The following MECOM variants were observed in gnomAD, a reference collection of about 807,000 sequenced individuals.
MECOM encodes the protein histone-lysine N-methyltransferase MECOM.
Under a neutral mutation model 116.3 loss-of-function variants are expected in MECOM, and 13 were observed. The ratio of observed to expected loss-of-function variants is 0.11; its 90% confidence interval spans 0.07 to 0.18. MECOM has a LOEUF of 0.18. Ranked by LOEUF, MECOM falls within the 10% of genes least tolerant of loss-of-function variation. The pLI is 1.00. For missense variants in MECOM, 1,299 were observed against 1,509.0 expected (o/e 0.86, Z 2.31); for synonymous variants, 528 against 535.2 (o/e 0.99, Z 0.19).
rs1776612399 is a variant in MECOM at position 169,663,521 on chromosome 3, TC to T, written c.-150del. 1.7e-6 allele frequency: 1 copy of T among 580,928 alleles called. No homozygotes were observed. Among genetic ancestry groups the T allele is most frequent in the Non-Finnish European group, 3.0e-6 (1 of 331,306 alleles). The allele number at this position is 580,928 out of a possible 1,614,324, so 36.0% of individuals were successfully genotyped here. A position where few individuals can be genotyped will look rare whatever the true frequency, so the allele number is the denominator to read the frequency against. ...CTCTCTCTCTCTCTCTCTCTCTCTC[TC>T]TCTCTCTCCCTCCCTCCTGTTTCTC... On this transcript the variant is annotated 5_prime_UTR_variant, in exon 1 of 17. Coordinates refer to ENST00000651503, the MANE Select transcript of MECOM (RefSeq NM_004991.4).
intron 1 of MECOM, among the ~76,000 whole-genome samples, chr3:169,569,347 C>G (rs942896025): frequency 2.0e-5 from 3 of 152,150 alleles, no homozygotes; most frequent in Non-Finnish European, 2.9e-5. Context: ...TCTTAGAGAC[C>G]TACAAAGAGA....
Position 169,515,011 on chromosome 3 carries a change from C to T in MECOM, c.38-133487G>A, listed in dbSNP as rs80012385. Among the ~76,000 whole-genome samples the T allele has an allele frequency of 2.0e-4, 30 of 152,274 alleles. No individual in the cohort carries two copies. In the East Asian group the frequency reaches 4.8e-3, roughly 24 times the overall value. ...AATTCTGCATTAAAAGAAGAAGCAG[C>T]AGATCAAGACTGTCCTCAGCAGTTC... is the stretch of plus-strand genomic sequence containing the variant. On this transcript the variant is annotated intron_variant, in intron 1 of 16. Transcript: ENST00000651503.
intron 1 of MECOM, among the ~76,000 whole-genome samples, chr3:169,620,925 C>T (rs1424033056): frequency 2.0e-5 from 3 of 152,050 alleles, no homozygotes; most frequent in Non-Finnish European, 4.4e-5. Flanking sequence ...AGAAATATTG[C>T]CTGATATAGG....
intron 2 of MECOM, among the ~76,000 whole-genome samples, chr3:169,235,495 A>G (rs1186709005): frequency 6.6e-6 from 1 of 152,060 alleles, no homozygotes; most frequent in Non-Finnish European, 1.5e-5. Flanking sequence ...ACACACACAC[A>G]CCTCTCACAT....
chr3:169,088,545 T>C (rs1195412218), intron 16 of MECOM, among the ~76,000 whole-genome samples: 3 of 152,184 alleles, frequency 2.0e-5, no homozygotes, highest in Non-Finnish European at 4.4e-5. Flanking sequence ...CAACATGAGA[T>C]GACTTGCTAA....
intron 2 of MECOM, among the ~76,000 whole-genome samples, chr3:169,354,154 T>A (rs1184520726): frequency 1.3e-5 from 2 of 151,844 alleles, no homozygotes; most frequent in Non-Finnish European, 2.9e-5. Context: ...AAAATTAAAA[T>A]ATTGTTAGAA....
At chr3:169,473,250 C>T (rs747109625) in intron 1 of MECOM, among the ~76,000 whole-genome samples, 1 of 152,132 alleles carries the variant, frequency 6.6e-6, no homozygotes, top group Non-Finnish European at 1.5e-5. Flanking sequence ...AGAATGATCA[C>T]CCTATCTACA....
At chr3:169,230,809 G>A (rs946471757) in intron 2 of MECOM, among the ~76,000 whole-genome samples, 1 of 152,126 alleles carries the variant, frequency 6.6e-6, no homozygotes, top group Admixed American at 6.6e-5. Context: ...TTTCACAATG[G>A]AGAAGAATAG....
rs544995330 is a variant in MECOM at position 169,466,063 on chromosome 3, T to C, written c.38-84539A>G. Among the ~76,000 whole-genome samples, 3 of 151,910 alleles carry C rather than the reference T, an allele frequency of 2.0e-5. No homozygotes were observed. In the South Asian group the frequency reaches 6.2e-4, roughly 32 times the overall value. ...ACTTTGATTCTAAAGTTGTATTTTG[T>C]TGCCATCTGAACACTTGAGATATAA... On this transcript the variant is annotated intron_variant, in intron 1 of 16. Transcript: ENST00000651503.
At position 169,217,654 on chromosome 3, in the gene MECOM, C is replaced by T. The variant is rs537178417; in HGVS notation, c.376-73822G>A. Among the ~76,000 whole-genome samples, 24 of 151,852 alleles carry T rather than the reference C, an allele frequency of 1.6e-4. 1 individual carries two copies. In the South Asian group the frequency reaches 3.7e-3, roughly 24 times the overall value. The stretch of plus-strand genomic sequence containing the variant: ...CAAACATTAGCTGGGCACTGTGGCA[C>T]GTACCTGTAATCCCAGATACTTGGG... On this transcript the variant is annotated intron_variant, in intron 2 of 16. Coordinates refer to ENST00000651503, the MANE Select transcript of MECOM (RefSeq NM_004991.4).
intron 1 of MECOM, among the ~76,000 whole-genome samples, chr3:169,433,639 G>GAGAAAAAGAA (rs1742051701): frequency 1.6e-5 from 2 of 127,052 alleles, no homozygotes; most frequent in African/African-American, 6.1e-5. Context: ...GAAAGAGAAA[G>GAGAAAAAGAA]AGAAAGAAAG....
At position 169,659,440 on chromosome 3, in the gene MECOM, A is replaced by ATTTTTTTTTTTT. The variant is rs56270349; in HGVS notation, c.37+3884_37+3895dup. Among the ~76,000 whole-genome samples, 60 of 62,144 alleles carry ATTTTTTTTTTTT rather than the reference A, an allele frequency of 9.7e-4. 9 individuals carry two copies. The highest frequency in any genetic ancestry group is 3.0e-3 in the African/African-American group (48 of 16,262). 40.8% of individuals were successfully genotyped at this position (62,144 alleles called of 152,430 possible). Reference sequence around the variant, plus strand: ...GTAATTAACCTTCCCCTAAACACAGATTTTTTTTTTTTTTTTTTTTTTTTT... The same window carrying ATTTTTTTTTTTT: ...GTAATTAACCTTCCCCTAAACACAGATTTTTTTTTTTTTTTTTTTTTTTTTTTTTTTTTTTTT... On this transcript the variant is annotated intron_variant, in intron 1 of 16. Transcript: ENST00000651503.
chr3:169,415,677 C>T (rs975565773), intron 1 of MECOM, among the ~76,000 whole-genome samples: 5 of 150,786 alleles, frequency 3.3e-5, no homozygotes, highest in African/African-American at 1.2e-4. Flanking sequence ...AATAAAGGGG[C>T]AGAGGAATAT....
At chr3:169,277,374 G>A (rs1017922178) in intron 2 of MECOM, among the ~76,000 whole-genome samples, 8 of 152,240 alleles carry the variant, frequency 5.3e-5, no homozygotes, top group South Asian at 2.1e-4. Context: ...AAACAAAGTC[G>A]AATGAGCATA....
At chr3:169,447,751 C>T (rs1392282158) in intron 1 of MECOM, 1 of 152,210 alleles carries the variant, frequency 6.6e-6, no homozygotes, top group Non-Finnish European at 1.5e-5. Flanking sequence ...AGGCTACACA[C>T]CAGAGCTCAA....
At chr3:169,273,795 A>G (rs960061730) in intron 2 of MECOM, among the ~76,000 whole-genome samples, 1 of 152,102 alleles carries the variant, frequency 6.6e-6, no homozygotes, top group Admixed American at 6.5e-5. Flanking sequence ...TAGCTCTTGG[A>G]AACCCTTGAA....
At chr3:169,555,604 G>C (rs555882040) in intron 1 of MECOM, among the ~76,000 whole-genome samples, 3 of 152,274 alleles carry the variant, frequency 2.0e-5, no homozygotes, top group Non-Finnish European at 4.4e-5. Flanking sequence ...AAAGGAGAAA[G>C]GCCTGAACAT....
Position 169,300,684 on chromosome 3 carries a change from C to T in MECOM, c.375+80503G>A, listed in dbSNP as rs2149712084. 3.3e-5 allele frequency among the ~76,000 whole-genome samples: 5 copies of T among 152,300 alleles called. 1 individual carries two copies. In the South Asian group the frequency reaches 1.0e-3, roughly 32 times the overall value. On this transcript the variant is annotated intron_variant, in intron 2 of 16. Coordinates refer to ENST00000651503, the MANE Select transcript of MECOM (RefSeq NM_004991.4). ...CCTTCCATTTATTGACATGATCTCA[C>T]TTCTTGCTATCTTTGTGCCCTTTCT...
At chr3:169,588,292 C>T (rs1478712902) in intron 1 of MECOM, among the ~76,000 whole-genome samples, 1 of 152,118 alleles carries the variant, frequency 6.6e-6, no homozygotes, top group Non-Finnish European at 1.5e-5. Flanking sequence ...GACTTATATA[C>T]CTTTCTTTGG....
Sources: allele counts gnomAD v4.1 joint callset (sites outside exome capture counted in the v4.1 genomes callset), GRCh38; gene constraint gnomAD v4.1.1; transcripts MANE v1.5; gene names NCBI Gene and HGNC (gene_info 2026-07-23, HGNC 2026-07-21).